COLQ: variants seen among roughly 807,000 people sequenced by gnomAD.
The protein encoded by COLQ is acetylcholinesterase collagenic tail peptide.
COLQ carries 48 observed loss-of-function variants against 69.0 expected under a neutral mutation model. The observed-to-expected ratio is 0.70, with a 90% CI of 0.55 to 0.88. The LOEUF (loss-of-function observed/expected upper bound fraction) is 0.88. COLQ is among the 40% of genes least tolerant of loss of function. COLQ has a pLI of 0.00. For synonymous variants in COLQ, 217 were observed against 211.2 expected, an observed-to-expected ratio of 1.03 and a Z score of -0.24; for missense variants, 618 against 594.6, an observed-to-expected ratio of 1.04 and a Z score of -0.41.
chr3:15,516,491 T>C (rs956160990), intron 1 of COLQ, among the ~76,000 whole-genome samples: 1 of 152,216 alleles, frequency 6.6e-6, no homozygotes, highest in Non-Finnish European at 1.5e-5. Context: ...ATCTGGTTTC[T>C]GAGACCCGGA....
intron 1 of COLQ, among the ~76,000 whole-genome samples, chr3:15,520,104 A>G (rs4490334): frequency 0.42 from 64,214 of 152,102 alleles, 14,730 homozygotes; most frequent in East Asian, 0.62. Context: ...AAAGGAATCC[A>G]TGACCCAAAC....
chr3:15,520,733 CAGACA>C (rs1344138670), intron 1 of COLQ, among the ~76,000 whole-genome samples: 2 of 152,150 alleles, frequency 1.3e-5, no homozygotes, highest in Non-Finnish European at 2.9e-5. Context: ...TGCTCTGGGT[CAGACA>C]AGACAAGGGC....
rs1385870652 is a variant in COLQ, at chr3:15,477,109, G to A, written c.465+17C>T. 1 of 1,594,136 alleles carries A rather than the reference G, an allele frequency of 6.3e-7. No individual in the cohort carries two copies. Among genetic ancestry groups the A allele is most frequent in the Non-Finnish European group, 8.5e-7 (1 of 1,170,294 alleles). ...TGTTTTGACACCGCATGAGCCCTGAGAGCATGCCACACTTACCCTGGGTCC... is the reference window on the plus strand; with the variant it reads ...TGTTTTGACACCGCATGAGCCCTGAAAGCATGCCACACTTACCCTGGGTCC... On this transcript the variant is annotated intron_variant, in intron 6 of 16. Transcript: ENST00000383788.
At chr3:15,452,806 G>A (rs769255711) in intron 16 of COLQ, among the ~76,000 whole-genome samples, 5 of 152,232 alleles carry the variant, frequency 3.3e-5, no homozygotes, top group Non-Finnish European at 7.3e-5. Flanking sequence ...AGTTCTCCCA[G>A]CCTGGTTGAA....
intron 3 of COLQ, among the ~76,000 whole-genome samples, chr3:15,484,201 A>AG (rs36186370): frequency 0.99 from 150,230 of 152,346 alleles, 74,076 homozygotes; most frequent in East Asian, 1. Flanking sequence ...TGGAGCATTT[A>AG]CCCATTTACA....
intron 12 of COLQ, among the ~76,000 whole-genome samples, chr3:15,463,705 G>A (rs2062156531): frequency 6.6e-6 from 1 of 152,044 alleles, no homozygotes; most frequent in South Asian, 2.1e-4. Context: ...CCTTCTGAAG[G>A]CACAACTCAG....
chr3:15,515,108 A>G (rs1030816245), intron 1 of COLQ, among the ~76,000 whole-genome samples: 1 of 152,206 alleles, frequency 6.6e-6, no homozygotes, highest in East Asian at 1.9e-4. Flanking sequence ...TCTTTCATTC[A>G]TCTCTTAGGA....
chr3:15,511,185 C>G (rs1386694570), intron 1 of COLQ, among the ~76,000 whole-genome samples: 1 of 152,200 alleles, frequency 6.6e-6, no homozygotes, highest in Admixed American at 6.5e-5. Context: ...TGCAAGAGAG[C>G]AAATGACTTG....
At chr3:15,518,044 C>G (rs538856744) in intron 1 of COLQ, among the ~76,000 whole-genome samples, 1 of 152,186 alleles carries the variant, frequency 6.6e-6, no homozygotes, top group African/African-American at 2.4e-5. Context: ...CTCCCAGGTT[C>G]AAGCAATTCT....
In COLQ at chr3:15,481,455, A is replaced by G. The variant is rs548350064; in HGVS notation, c.322-2073T>C. On this transcript the variant is annotated intron_variant, in intron 3 of 16. Coordinates refer to ENST00000383788, the MANE Select transcript of COLQ (RefSeq NM_005677.4). ...ATGGCTAGCCAGTTTTCCCAGCACC[A>G]TTTATTAAACAGGGAATCCTTTCCC... Among the ~76,000 whole-genome samples the G allele has an allele frequency of 2.6e-5, 4 of 152,330 alleles. No homozygotes were observed. In the South Asian group the frequency reaches 8.3e-4, roughly 32 times the overall value.
chr3:15,510,815 AGAGGAAGGGAGGAAGGGAGGAAGG>A (rs1173965026), intron 1 of COLQ, among the ~76,000 whole-genome samples: 1 of 138,144 alleles, frequency 7.2e-6, no homozygotes, highest in African/African-American at 2.8e-5. Context: ...AGACCAAGAG[AGAGGAAGGGAGGAAGGGAGGAAGG>A]GAGGGAGAGA....
Position 15,503,587 on chromosome 3 carries a change from G to C in COLQ, c.107-13950C>G, listed in dbSNP as rs565586291. 2.6e-5 allele frequency among the ~76,000 whole-genome samples: 4 copies of C among 152,288 alleles called. No homozygotes were observed. The East Asian group carries it at 5.8e-4, about 22-fold the overall frequency. ...CAGCAGATAGCATTGCCCTAACCCAGTAGTGAGGTGCCAACAATGGGACAC... is the reference window on the plus strand; with the variant it reads ...CAGCAGATAGCATTGCCCTAACCCACTAGTGAGGTGCCAACAATGGGACAC... On this transcript the variant is annotated intron_variant, in intron 1 of 16. Coordinates refer to ENST00000383788, the MANE Select transcript of COLQ (RefSeq NM_005677.4).
chr3:15,488,538 G>T (rs1244392289), intron 2 of COLQ, among the ~76,000 whole-genome samples: 1 of 152,096 alleles, frequency 6.6e-6, no homozygotes, highest in Non-Finnish European at 1.5e-5. Context: ...AGCCACTTTG[G>T]ATAGAGTTTG....
At position 15,466,404 on chromosome 3, in the gene COLQ, G is replaced by C; in HGVS notation, c.751C>G (p.Pro251Ala). Residue 251 changes from proline (P) to alanine (A), a missense_variant, in exon 12 of 17, where the codon CCA becomes GCA. By Grantham distance (27) the Pro-to-Ala change is conservative. Coordinates refer to ENST00000383788, the MANE Select transcript of COLQ (RefSeq NM_005677.4). ...QKGDSGVMGP[P>A]GKPGPSGQPG... ...TGACCAGAAGGCCCAGGCTTGCCTG[G>C]TGGGCCCATAACTCCACTATCCCCT... 6.2e-7 allele frequency: 1 copy of C among 1,614,162 alleles called. No homozygotes were observed. The highest frequency in any genetic ancestry group is 1.1e-5 in the South Asian group (1 of 91,088).
At chr3:15,495,985 C>T (rs1183765468) in intron 1 of COLQ, among the ~76,000 whole-genome samples, 1 of 152,194 alleles carries the variant, frequency 6.6e-6, no homozygotes, top group Admixed American at 6.5e-5. Context: ...GGCTGGCAGG[C>T]CCACACTGCT....
At chr3:15,475,280 A>G (rs761708542) in intron 7 of COLQ, 145 bp downstream of exon 7, 256 of 825,540 alleles carry the variant, frequency 3.1e-4, no homozygotes, top group Admixed American at 1.5e-4. Context: ...ATGTTCTCCA[A>G]AGGGCTGGTA....
intron 1 of COLQ, among the ~76,000 whole-genome samples, chr3:15,516,230 T>C (rs921347886): frequency 6.6e-6 from 1 of 152,140 alleles, no homozygotes; most frequent in Non-Finnish European, 1.5e-5. Flanking sequence ...CATTAAACAA[T>C]AGCTGATCAG....
chr3:15,484,144 C>T (rs1251300350), intron 3 of COLQ, among the ~76,000 whole-genome samples: 1 of 152,148 alleles, frequency 6.6e-6, no homozygotes, highest in Non-Finnish European at 1.5e-5. Flanking sequence ...ATACAGCACA[C>T]TGATGGGTCT....
intron 7 of COLQ, 92 bp from the exon 8 acceptor site, chr3:15,475,043 A>G: frequency 3.7e-6 from 5 of 1,359,354 alleles, no homozygotes; most frequent in Non-Finnish European, 5.3e-6. Context: ...TGTGGTGGTA[A>G]GGTATGTCTC....
Sources: gnomAD v4.1 joint callset for allele counts (sites outside exome capture counted in the v4.1 genomes callset) on GRCh38, gnomAD v4.1.1 for gene constraint, MANE v1.5 for transcripts, NCBI Gene and HGNC (gene_info 2026-07-23, HGNC 2026-07-21) for gene names.